Variants in ZNF667 observed in about 807,000 individuals in gnomAD.
ZNF667 encodes the protein zinc finger protein 667, also known as myocardial ischemic preconditioning upregulated 1 ortholog.
ZNF667 carries 13 observed loss-of-function variants against 31.8 expected under a neutral mutation model. That is an observed-to-expected ratio of 0.41 (90% CI 0.27 to 0.65). ZNF667 has a LOEUF of 0.65. Ranked by LOEUF, ZNF667 falls within the 30% of genes least tolerant of loss-of-function variation. The pLI is 0.32. For synonymous variants in ZNF667, 228 were observed against 247.1 expected (o/e 0.92, Z 0.73); for missense variants, 642 against 725.6 (o/e 0.88, Z 1.32).
At chr19:56,468,777 C>A (rs1166671649) in intron 3 of ZNF667, 3 of 152,186 alleles carry the variant, frequency 2.0e-5, no homozygotes, top group African/African-American at 7.2e-5. Flanking sequence ...CTGGATTGCC[C>A]AAGTGGGCTC....
chr19:56,453,049 C>A (rs2042866831), intron 6 of ZNF667, among the ~76,000 whole-genome samples: 1 of 151,986 alleles, frequency 6.6e-6, no homozygotes, highest in South Asian at 2.1e-4. Flanking sequence ...ATGATTGCAA[C>A]TGATACTACA....
At chr19:56,446,258 C>A (rs183516784) in intron 6 of ZNF667, among the ~76,000 whole-genome samples, 1 of 152,308 alleles carries the variant, frequency 6.6e-6, no homozygotes, top group Non-Finnish European at 1.5e-5. Context: ...ATAATAATCA[C>A]GTACCTCACA....
intron 3 of ZNF667, chr19:56,466,912 GCTTT>G (rs1341445544): frequency 1.0e-4 from 44 of 430,092 alleles, no homozygotes; most frequent in South Asian, 7.2e-4. Flanking sequence ...TCCTTCTCCT[GCTTT>G]CTGAGAACAC....
chr19:56,475,784 G>C (rs2043393152), intron 1 of ZNF667: 1 of 152,048 alleles, frequency 6.6e-6, no homozygotes. Context: ...GGGCTCCCTA[G>C]GGACATCTCC....
Position 56,473,278 on chromosome 19 carries a change from C to A in ZNF667, c.-549+734G>T, listed in dbSNP as rs562352494. 8.5e-5 allele frequency among the ~76,000 whole-genome samples: 13 copies of A among 152,326 alleles called. No individual in the cohort carries two copies. The East Asian group carries it at 1.7e-3, about 20-fold the overall frequency. ...TCTATGTGTCCTCTCCCGGCCTGAG[C>A]TTCCTCATATGTAAGATGAGACAAA... On this transcript the variant is annotated intron_variant, in intron 2 of 6. Coordinates refer to ENST00000504904, the MANE Select transcript of ZNF667 (RefSeq NM_001321356.2).
chr19:56,469,593 T>G (rs1177909018), intron 3 of ZNF667, among the ~76,000 whole-genome samples: 1 of 152,198 alleles, frequency 6.6e-6, no homozygotes, highest in African/African-American at 2.4e-5. Context: ...CCTCACTTCC[T>G]TCAGTCTGCT....
At chr19:56,464,706 T>A (rs1029549509) in intron 3 of ZNF667, among the ~76,000 whole-genome samples, 1 of 152,210 alleles carries the variant, frequency 6.6e-6, no homozygotes, top group African/African-American at 2.4e-5. Context: ...GGTGTTTATG[T>A]GGGTAGTACC....
At chr19:56,475,773 T>C (rs1052229138) in intron 1 of ZNF667, 1 of 152,162 alleles carries the variant, frequency 6.6e-6, no homozygotes, top group Non-Finnish European at 1.5e-5. Flanking sequence ...CTTGACCCCA[T>C]GGGCTCCCTA....
At chr19:56,457,983 A>G (rs1356575972) in intron 6 of ZNF667, among the ~76,000 whole-genome samples, 172 bp downstream of exon 6, 3 of 152,248 alleles carry the variant, frequency 2.0e-5, no homozygotes, top group Admixed American at 1.3e-4. Context: ...CCTATGAACC[A>G]GAAAGCAGTC....
intron 3 of ZNF667, among the ~76,000 whole-genome samples, chr19:56,469,183 G>C (rs1893644946): frequency 6.6e-6 from 1 of 152,226 alleles, no homozygotes; most frequent in South Asian, 2.1e-4. Flanking sequence ...CACTCCAAGA[G>C]GCAGAAAGGA....
At chr19:56,470,783 T>C (rs2043276088) in intron 3 of ZNF667, among the ~76,000 whole-genome samples, 1 of 152,118 alleles carries the variant, frequency 6.6e-6, no homozygotes, top group Non-Finnish European at 1.5e-5. Flanking sequence ...GATTCTGACT[T>C]TTCTGAGCGA....
At chr19:56,464,817 G>A (rs1600446630) in intron 3 of ZNF667, among the ~76,000 whole-genome samples, 1 of 152,308 alleles carries the variant, frequency 6.6e-6, no homozygotes, top group East Asian at 1.9e-4. Context: ...CTAGCATAGA[G>A]CAGGTGCTCA....
In ZNF667 at chr19:56,441,236, T is replaced by C. The variant is rs150045402; in HGVS notation, c.1759A>G (p.Lys587Glu). 2 of 1,613,998 alleles carry C rather than the reference T, an allele frequency of 1.2e-6. No homozygotes were observed. The highest frequency in any genetic ancestry group is 1.7e-6 in the Non-Finnish European group (2 of 1,179,978). The change falls in exon 7 of 7, where the codon AAA becomes GAA. Residue 587 changes from lysine (K) to glutamate (E), a missense_variant. Transcript: ENST00000504904. The surrounding 1 kb of genome is among the most constrained non-coding windows in gnomAD (Gnocchi z 4.2). ...HSSEKPYECS[K>E]CGKAYSRSSS... ...CTCCGACTATATGCCTTCCCACATTTACTACATTCATAGGGTTTCTCTGAA... is the reference window on the plus strand; with the variant it reads ...CTCCGACTATATGCCTTCCCACATTCACTACATTCATAGGGTTTCTCTGAA...
At chr19:56,459,574 C>T (rs1270620936) in intron 5 of ZNF667, among the ~76,000 whole-genome samples, 1 of 152,208 alleles carries the variant, frequency 6.6e-6, no homozygotes, top group African/African-American at 2.4e-5. Flanking sequence ...CTAAAAACCC[C>T]AAACTCTTCC....
In ZNF667 at chr19:56,442,689, TTTG is replaced by T. The variant is rs1568834685; in HGVS notation, c.303_305del (p.Asn101del). On this transcript the variant is annotated inframe_deletion, in exon 7 of 7. Coordinates refer to ENST00000504904, the MANE Select transcript of ZNF667 (RefSeq NM_001321356.2). ...GTTTCTGGCAGATGCTTTGCCCAGA[TTTG>T]TTGCATTGATTTGGAGGTAACTTCT... 4 of 1,610,124 alleles carry T rather than the reference TTTG, an allele frequency of 2.5e-6. No individual in the cohort carries two copies. The South Asian group carries it at 3.3e-5, about 13-fold the overall frequency.
intron 6 of ZNF667, among the ~76,000 whole-genome samples, chr19:56,450,426 G>A (rs1428429390): frequency 6.6e-6 from 1 of 152,146 alleles, no homozygotes; most frequent in Non-Finnish European, 1.5e-5. Context: ...AACAAAAGCT[G>A]AGAGATTTTG....
chr19:56,470,123 C>T, intron 3 of ZNF667: 2 of 433,998 alleles, frequency 4.6e-6, no homozygotes, highest in South Asian at 1.6e-5. Context: ...TCCTTTACAT[C>T]TGCAAAGGGA....
intron 3 of ZNF667, among the ~76,000 whole-genome samples, chr19:56,469,314 T>A (rs1229067203): frequency 6.6e-6 from 1 of 152,106 alleles, no homozygotes; most frequent in African/African-American, 2.4e-5. Flanking sequence ...TTAGCCAGGG[T>A]CAGAGGGAAG....
At chr19:56,442,890 GACTAT>G in intron 6 of ZNF667, 149 bp from the exon 7 acceptor site, 1 of 1,099,130 alleles carries the variant, frequency 9.1e-7, no homozygotes, top group Non-Finnish European at 1.2e-6. Context: ...TGGTTTTGAT[GACTAT>G]ACTAAAGGCT....
Sources: allele counts gnomAD v4.1 joint callset (sites outside exome capture counted in the v4.1 genomes callset), GRCh38; gene constraint gnomAD v4.1.1; non-coding constraint Gnocchi (gnomAD v3.1); transcripts MANE v1.5; gene names NCBI Gene and HGNC (gene_info 2026-07-23, HGNC 2026-07-21).